Variants in MYOCOS observed in about 807,000 individuals in gnomAD.
The protein encoded by MYOCOS is myocilin opposite strand protein.
At chr1:171,621,340 T>C (rs147597006), upstream of MYOCOS, among the ~76,000 whole-genome samples, 1,909 of 151,778 alleles carry the variant, frequency 0.013, 38 homozygotes, top group African/African-American at 0.044. Context: ...CATTACACCT[T>C]ATCTTCCCAA....
chr1:171,607,469 G>C (rs1241867554), intron 1 of MYOCOS, among the ~76,000 whole-genome samples: 1 of 152,162 alleles, frequency 6.6e-6, no homozygotes, highest in African/African-American at 2.4e-5. Flanking sequence ...GAAAACCCAA[G>C]TTGGTAAATA....
chr1:171,621,489 C>T (rs566543028), upstream of MYOCOS, among the ~76,000 whole-genome samples: 1 of 150,962 alleles, frequency 6.6e-6, no homozygotes, highest in African/African-American at 2.4e-5. Flanking sequence ...CATTCTCCTG[C>T]CTCAGCCTCC....
At chr1:171,613,575 T>G (rs536753) in intron 1 of MYOCOS, among the ~76,000 whole-genome samples, 36,713 of 151,494 alleles carry the variant, frequency 0.24, 5,563 homozygotes, top group African/African-American at 0.44. Context: ...CAAGACAGGG[T>G]CTTGCTCTGT....
chr1:171,618,242 A>G (rs967096913), upstream of MYOCOS, among the ~76,000 whole-genome samples: 8 of 152,238 alleles, frequency 5.3e-5, no homozygotes, highest in African/African-American at 1.9e-4. Flanking sequence ...CAACCAACCA[A>G]GTTCAGAGAC....
At chr1:171,613,633 G>A (rs1652392684) in intron 1 of MYOCOS, among the ~76,000 whole-genome samples, 1 of 151,886 alleles carries the variant, frequency 6.6e-6, no homozygotes, top group Admixed American at 6.6e-5. Flanking sequence ...CTGCAACCTT[G>A]AACTCCTGGG....
At chr1:171,605,045 A>T (rs755000423) in intron 1 of MYOCOS, among the ~76,000 whole-genome samples, 1 of 152,154 alleles carries the variant, frequency 6.6e-6, no homozygotes, top group Non-Finnish European at 1.5e-5. Flanking sequence ...TTCTGTGATG[A>T]ACTAAATGTG....
chr1:171,615,492 C>T (rs930328664), intron 2 of MYOCOS, among the ~76,000 whole-genome samples: 1 of 152,180 alleles, frequency 6.6e-6, no homozygotes, highest in African/African-American at 2.4e-5. Context: ...TAAGAAAAAA[C>T]AACAAGGAAG....
chr1:171,620,142 G>T (rs1030985524), upstream of MYOCOS, among the ~76,000 whole-genome samples: 16 of 149,780 alleles, frequency 1.1e-4, no homozygotes, highest in African/African-American at 2.9e-4. Context: ...TCTCTCTAGA[G>T]AACCCTAATA....
rs182635586 is a variant in MYOCOS, at chr1:171,602,283, G to A, written c.-252+1203G>A. 3.3e-3 allele frequency among the ~76,000 whole-genome samples: 495 copies of A among 152,178 alleles called. 3 individuals are homozygous for A. The highest frequency in any genetic ancestry group is 0.011 in the African/African-American group (473 of 41,530). ...GCAAAAAATGTTGTATAATTTAAAA[G>A]TAATAAGGCCTCCTGAGTACTGTTT... On this transcript the variant is annotated intron_variant, in intron 1 of 3. Transcript: ENST00000636697.
chr1:171,613,523 G>T (rs1259125866), intron 1 of MYOCOS, among the ~76,000 whole-genome samples: 2 of 151,916 alleles, frequency 1.3e-5, no homozygotes, highest in African/African-American at 4.8e-5. Context: ...CTGGGACTGA[G>T]AATTCAACAT....
intron 1 of MYOCOS, among the ~76,000 whole-genome samples, chr1:171,607,907 TCGCAGTTCCATGTGGC>T: frequency 6.6e-6 from 1 of 152,204 alleles, no homozygotes; most frequent in East Asian, 1.9e-4. Context: ...TTTATTGGAC[TCGCAGTTCCATGTGGC>T]CGGGGAAGCC....
At chr1:171,616,839 C>T (rs1652458422) in intron 2 of MYOCOS, among the ~76,000 whole-genome samples, 1 of 152,110 alleles carries the variant, frequency 6.6e-6, no homozygotes. Context: ...GAGTTTAGAG[C>T]ACAGGCATAT....
At chr1:171,619,571 G>T (rs1250827753), upstream of MYOCOS, among the ~76,000 whole-genome samples, 3 of 152,022 alleles carry the variant, frequency 2.0e-5, no homozygotes, top group Non-Finnish European at 2.9e-5. Context: ...AATCAAGGCC[G>T]AGCACAGTGG....
upstream of MYOCOS, among the ~76,000 whole-genome samples, chr1:171,619,035 A>T (rs1652504721): frequency 6.6e-6 from 1 of 152,228 alleles, no homozygotes; most frequent in African/African-American, 2.4e-5. Flanking sequence ...TTGTTTTAAA[A>T]TTAGTAACGA....
At chr1:171,605,392 CACAA>C (rs1376115358) in intron 1 of MYOCOS, among the ~76,000 whole-genome samples, 2,653 of 124,022 alleles carry the variant, frequency 0.021, 76 homozygotes, top group African/African-American at 0.11. Flanking sequence ...CACACACACA[CACAA>C]AAAAAAAAAA....
chr1:171,623,156 T>A (rs2015656), intron 1 of MYOCOS, among the ~76,000 whole-genome samples: 8,926 of 151,956 alleles, frequency 0.059, 351 homozygotes, highest in South Asian at 0.077. Flanking sequence ...GAGACAGCTC[T>A]GCTACACTCC....
chr1:171,624,141 TG>T (rs1310770154), intron 2 of MYOCOS, among the ~76,000 whole-genome samples, 163 bp downstream of exon 2: 1 of 152,218 alleles, frequency 6.6e-6, no homozygotes, highest in Non-Finnish European at 1.5e-5. Flanking sequence ...TGTCATCCAT[TG>T]TGGAAAACAG....
chr1:171,614,993 A>G (rs1396553973), exon 2 of MYOCOS: 1 of 152,280 alleles, frequency 6.6e-6, no homozygotes, highest in East Asian at 1.9e-4. Context: ...GGTTGAAACC[A>G]GCTGAGAAAA....
Position 171,624,832 on chromosome 1 carries a change from C to T in MYOCOS, c.95+854C>T, listed in dbSNP as rs180698741. Reference sequence around the variant, plus strand: ...CTCCTGGGCTCAAGTGGTCCACCTGCCTCAGCATCCCAAGGTGCTGGGATT... The same window carrying T: ...CTCCTGGGCTCAAGTGGTCCACCTGTCTCAGCATCCCAAGGTGCTGGGATT... On this transcript the variant is annotated intron_variant, in intron 2 of 2. Transcript: ENST00000637642. Among the ~76,000 whole-genome samples, 10 of 152,228 alleles carry T rather than the reference C, an allele frequency of 6.6e-5. No homozygotes were observed. The East Asian group carries it at 1.9e-3, about 29-fold the overall frequency.
Sources: gnomAD v4.1 joint callset for allele counts (sites outside exome capture counted in the v4.1 genomes callset) on GRCh38, gnomAD v4.1.1 for gene constraint, MANE v1.5 for transcripts, NCBI Gene and HGNC (gene_info 2026-07-23, HGNC 2026-07-21) for gene names.